Variants in YWHAZ observed in about 807,000 individuals in gnomAD.
The protein encoded by YWHAZ is 14-3-3 protein zeta/delta.
For missense variants in YWHAZ, 79 were observed against 284.8 expected, an observed-to-expected ratio of 0.28 and a Z score of 5.20; for synonymous variants, 87 against 103.6, an observed-to-expected ratio of 0.84 and a Z score of 0.97.
At chr8:100,934,677 CT>C (rs1814011860) in intron 2 of YWHAZ, among the ~76,000 whole-genome samples, 1 of 152,056 alleles carries the variant, frequency 6.6e-6, no homozygotes, top group African/African-American at 2.4e-5. Flanking sequence ...TAGGGCGAGA[CT>C]GTCTCCAAAA....
intron 1 of YWHAZ, among the ~76,000 whole-genome samples, chr8:100,949,886 T>C (rs1035931519): frequency 2.0e-5 from 3 of 152,214 alleles, no homozygotes; most frequent in Non-Finnish European, 4.4e-5. Flanking sequence ...CTTTTGCAAG[T>C]TGCCGAACAG....
At chr8:100,951,576 G>C (rs978605725) in intron 1 of YWHAZ, 5 of 985,256 alleles carry the variant, frequency 5.1e-6, no homozygotes, top group South Asian at 9.4e-5. Flanking sequence ...GATCGCGGCC[G>C]GCGGCGCCCC....
chr8:100,928,076 G>A (rs1042528214), intron 2 of YWHAZ, among the ~76,000 whole-genome samples: 1 of 152,110 alleles, frequency 6.6e-6, no homozygotes, highest in African/African-American at 2.4e-5. Flanking sequence ...TCAGGAGATC[G>A]AGGCCATCCT....
chr8:100,950,666 GGGA>G, intron 1 of YWHAZ: 7 of 890,760 alleles, frequency 7.9e-6, no homozygotes, highest in South Asian at 5.2e-5. Flanking sequence ...GTGGGGGGGG[GGGA>G]GAGATGGGGA....
chr8:100,924,201 A>C lies in YWHAZ; in HGVS notation c.516T>G (p.Leu172=), dbSNP rs1364743377. 6.2e-7 allele frequency: 1 copy of C among 1,614,070 alleles called. No individual in the cohort carries two copies. The highest frequency in any genetic ancestry group is 1.1e-5 in the South Asian group (1 of 91,060). Residue 172 remains leucine, a synonymous_variant, in exon 4 of 6, where the codon CTT becomes CTG. Coordinates refer to ENST00000395958, the MANE Select transcript of YWHAZ (RefSeq NM_145690.3). This position sits in a 1 kb window ranked among gnomAD's most constrained non-coding sequence, Gnocchi z 5.7. ...TCTCATAATAGAACACAGAGAAGTT[A>C]AGGGCCAGACCCAGTCTGATAGGAT... The part of the protein sequence containing the change: ...PTHPIRLGLA[L]NFSVFYYEIL...
chr8:100,952,114 T>C (rs41530446), upstream of YWHAZ: 69 of 986,446 alleles, frequency 7.0e-5, no homozygotes, highest in Non-Finnish European at 8.1e-5. Flanking sequence ...ACACGCACGA[T>C]GACGTCAAAC....
At chr8:100,932,484 A>T (rs1010615930) in intron 2 of YWHAZ, among the ~76,000 whole-genome samples, 1 of 152,218 alleles carries the variant, frequency 6.6e-6, no homozygotes, top group African/African-American at 2.4e-5. Context: ...ATGGCTTAAA[A>T]GTTTGTCTCA....
rs1356530305 is a variant in YWHAZ at position 100,948,545 on chromosome 8, T to C, written c.294+51A>G. 2.6e-6 allele frequency: 4 copies of C among 1,547,164 alleles called. No individual in the cohort carries two copies. The highest frequency in any genetic ancestry group is 1.2e-5 in the South Asian group (1 of 82,742). On this transcript the variant is annotated intron_variant, in intron 2 of 5. Transcript: ENST00000395958. This position sits in a 1 kb window ranked among gnomAD's most constrained non-coding sequence, Gnocchi z 4.2. Reference sequence around the variant, plus strand: ...AAAAAGTTAAGAGTAATGTAACTGATACTCATAGGGACCCTACAGTATAAT... The same window carrying C: ...AAAAAGTTAAGAGTAATGTAACTGACACTCATAGGGACCCTACAGTATAAT...
upstream of YWHAZ, chr8:100,952,859 C>CG (rs1810903284): frequency 5.0e-6 from 5 of 1,000,318 alleles, no homozygotes; most frequent in South Asian, 1.9e-4. Context: ...CCTGCTGGCT[C>CG]GGGGGAAGCG....
At position 100,921,483 on chromosome 8, in the gene YWHAZ, G is replaced by A. The variant is rs547600107; in HGVS notation, c.679-731C>T. 3.9e-5 allele frequency among the ~76,000 whole-genome samples: 6 copies of A among 152,258 alleles called. No homozygotes were observed. The East Asian group carries it at 9.6e-4, about 24-fold the overall frequency. On this transcript the variant is annotated intron_variant, in intron 5 of 5. Transcript: ENST00000395958. ...TAGGGTTGACTACTCTCCACTGGTA[G>A]ATCTTAAAGTGACTCACACTCCAAA...
upstream of YWHAZ, chr8:100,952,596 C>T (rs909122060): frequency 3.4e-5 from 7 of 203,976 alleles, no homozygotes; most frequent in African/African-American, 4.7e-5. Context: ...CCCGCCCCAC[C>T]CTCCGTGCTT....
At chr8:100,952,689 C>A (rs1198151255), upstream of YWHAZ, 34 of 710,500 alleles carry the variant, frequency 4.8e-5, no homozygotes, top group Non-Finnish European at 5.9e-5. Context: ...TCAGGACTTG[C>A]GGGGCGGGGG....
chr8:100,916,759 T>A lies in YWHAZ; in HGVS notation c.*3934A>T, dbSNP rs991559564. 6.6e-6 allele frequency: 1 copy of A among 152,210 alleles called. No homozygotes were observed. The highest frequency in any genetic ancestry group is 1.5e-5 in the Non-Finnish European group (1 of 68,036). 9.4% of individuals were successfully genotyped at this position (152,210 alleles called of 1,614,324 possible). On this transcript the variant is annotated 3_prime_UTR_variant, in exon 6 of 6. Transcript: ENST00000395958. Reference sequence around the variant, plus strand: ...ACTGCTTCTGCATCCCAGAGACATATATGCCTGCTTGTCTGGCAAGGTTGG... The same window carrying A: ...ACTGCTTCTGCATCCCAGAGACATAAATGCCTGCTTGTCTGGCAAGGTTGG...
chr8:100,943,406 C>G (rs906803826), intron 2 of YWHAZ, among the ~76,000 whole-genome samples: 2 of 152,184 alleles, frequency 1.3e-5, no homozygotes, highest in Non-Finnish European at 2.9e-5. Flanking sequence ...GTCATTCTGA[C>G]TTAAAAATTC....
chr8:100,935,257 A>T (rs576978883), intron 2 of YWHAZ, among the ~76,000 whole-genome samples: 1 of 152,372 alleles, frequency 6.6e-6, no homozygotes, highest in East Asian at 1.9e-4. Context: ...TTAAGCACTC[A>T]AAAATATTAA....
At chr8:100,921,606 CTTTA>C (rs1422579376) in intron 5 of YWHAZ, among the ~76,000 whole-genome samples, 3 of 152,200 alleles carry the variant, frequency 2.0e-5, no homozygotes, top group Admixed American at 1.3e-4. Context: ...AAAAACAAAC[CTTTA>C]TTTATCAGGT....
chr8:100,933,499 T>C (rs1470156723), intron 2 of YWHAZ, among the ~76,000 whole-genome samples: 2 of 151,880 alleles, frequency 1.3e-5, no homozygotes, highest in Non-Finnish European at 2.9e-5. Context: ...TAAATATATA[T>C]TTTTTTTGCC....
chr8:100,946,339 C>T (rs953263641), intron 2 of YWHAZ, among the ~76,000 whole-genome samples: 1 of 152,284 alleles, frequency 6.6e-6, no homozygotes, highest in South Asian at 2.1e-4. Flanking sequence ...AAGAGTTAGA[C>T]GTGACCTGGT....
intron 2 of YWHAZ, chr8:100,935,072 G>A (rs1814048945): frequency 6.6e-6 from 1 of 151,944 alleles, no homozygotes; most frequent in Non-Finnish European, 1.5e-5. Flanking sequence ...AGAATTGCTT[G>A]AATGAACCCG....
Sources: allele counts gnomAD v4.1 joint callset (sites outside exome capture counted in the v4.1 genomes callset), GRCh38; gene constraint gnomAD v4.1.1; non-coding constraint Gnocchi (gnomAD v3.1); transcripts MANE v1.5; gene names NCBI Gene and HGNC (gene_info 2026-07-23, HGNC 2026-07-21).